The following UVRAG variants were observed in gnomAD, a reference collection of about 807,000 sequenced individuals.
UVRAG encodes the protein UV radiation resistance associated.
In UVRAG, 19 loss-of-function variants were observed where a neutral mutation model predicts 78.0. The observed-to-expected ratio is 0.24, with a 90% CI of 0.17 to 0.36. The LOEUF (loss-of-function observed/expected upper bound fraction) is 0.36, where lower values mean the gene tolerates loss of function less well. Among genes scored for constraint, UVRAG ranks in the 10% least tolerant of loss-of-function variants. The pLI, the probability that UVRAG is intolerant of heterozygous loss-of-function variation, is 1.00. For synonymous variants in UVRAG, 323 were observed against 324.6 expected, an observed-to-expected ratio of 1.00 and a Z score of 0.05; for missense variants, 740 against 853.8, an observed-to-expected ratio of 0.87 and a Z score of 1.66.
At chr11:75,977,095 C>T (rs7946364) in intron 7 of UVRAG, among the ~76,000 whole-genome samples, 6,379 of 152,188 alleles carry the variant, frequency 0.042, 201 homozygotes, top group Non-Finnish European at 0.065. Flanking sequence ...TTTCAAAGAA[C>T]ATCTTTATTT....
At chr11:75,940,065 T>G (rs1948453766) in intron 6 of UVRAG, among the ~76,000 whole-genome samples, 1 of 152,170 alleles carries the variant, frequency 6.6e-6, no homozygotes, top group Non-Finnish European at 1.5e-5. Flanking sequence ...CTTTTAAACT[T>G]TCTAATTTCA....
At chr11:75,830,571 G>GT (rs1166371430) in intron 1 of UVRAG, among the ~76,000 whole-genome samples, 4 of 151,828 alleles carry the variant, frequency 2.6e-5, no homozygotes, top group Non-Finnish European at 4.4e-5. Flanking sequence ...GCGCCCGGCC[G>GT]TAAGTATTCT....
chr11:75,911,152 A>C (rs1947728061), intron 5 of UVRAG: 1 of 154,716 alleles, frequency 6.5e-6, no homozygotes, highest in African/African-American at 2.4e-5. Flanking sequence ...TCCAGTGTTC[A>C]TGCATTCCCA....
intron 1 of UVRAG, among the ~76,000 whole-genome samples, chr11:75,842,900 G>T (rs1945947964): frequency 6.6e-6 from 1 of 152,222 alleles, no homozygotes; most frequent in African/African-American, 2.4e-5. Flanking sequence ...TGTGAAAGTT[G>T]TGTGTGGGAT....
At position 76,018,065 on chromosome 11, in the gene UVRAG, T is replaced by A. The variant is rs116334772; in HGVS notation, c.1226+1085T>A. Among the ~76,000 whole-genome samples the A allele has an allele frequency of 9.1e-3, 1,379 of 152,264 alleles. 22 individuals carry two copies. The highest frequency in any genetic ancestry group is 0.032 in the African/African-American group (1,311 of 41,556). ...GCATATACATAATAATATATGTAGGTTTATAATGCATGGTTCTAACACAAA... is the reference window on the plus strand; with the variant it reads ...GCATATACATAATAATATATGTAGGATTATAATGCATGGTTCTAACACAAA... On this transcript the variant is annotated intron_variant, in intron 12 of 14. Transcript: ENST00000356136.
chr11:75,885,439 G>T (rs1947054163), intron 4 of UVRAG, among the ~76,000 whole-genome samples: 1 of 152,050 alleles, frequency 6.6e-6, no homozygotes, highest in Non-Finnish European at 1.5e-5. Context: ...AACAAGTATT[G>T]TTTTCTTCCT....
chr11:75,927,423 A>G (rs528626443), intron 6 of UVRAG, among the ~76,000 whole-genome samples: 1 of 152,326 alleles, frequency 6.6e-6, no homozygotes, highest in African/African-American at 2.4e-5. Flanking sequence ...TCCTGAGAGT[A>G]GAATATAATG....
rs1034238711 is a variant in UVRAG at position 75,892,446 on chromosome 11, A to C, written c.507+3543A>C. The C allele has an allele frequency of 7.4e-6, 7 of 949,884 alleles. No individual in the cohort carries two copies. In the African/African-American group the frequency reaches 8.9e-5, roughly 12 times the overall value. The allele number at this position is 949,884 out of a possible 1,614,324, so 58.8% of individuals were successfully genotyped here. A position where few individuals can be genotyped will look rare whatever the true frequency, so the allele number is the denominator to read the frequency against. ...TAGCTAGTATTTAGTGAGCACTTCT[A>C]TGCTGGCACTATTCTAAACACTTTA... On this transcript the variant is annotated intron_variant, in intron 5 of 14. Coordinates refer to ENST00000356136, the MANE Select transcript of UVRAG (RefSeq NM_003369.4).
At position 75,944,090 on chromosome 11, in the gene UVRAG, T is replaced by A. The variant is rs560319825; in HGVS notation, c.594-17354T>A. Among the ~76,000 whole-genome samples the A allele has an allele frequency of 1.8e-4, 28 of 152,254 alleles. No homozygotes were observed. In the South Asian group the frequency reaches 5.4e-3, roughly 29 times the overall value. ...TGATATTGCTCTTGTGCCCTCTTTG[T>A]TTTATAGCACACAACCCACTTTCTG... On this transcript the variant is annotated intron_variant, in intron 6 of 14. Transcript: ENST00000356136.
intron 8 of UVRAG, among the ~76,000 whole-genome samples, chr11:76,000,379 G>T (rs1378566842): frequency 6.6e-6 from 1 of 152,172 alleles, no homozygotes; most frequent in Non-Finnish European, 1.5e-5. Flanking sequence ...AAAGCAGGAG[G>T]ATTGCTTGAA....
At chr11:75,873,975 T>A (rs1053863985) in intron 3 of UVRAG, among the ~76,000 whole-genome samples, 2 of 152,224 alleles carry the variant, frequency 1.3e-5, no homozygotes, top group South Asian at 4.1e-4. Context: ...TTAGCTAATC[T>A]GTAATGAATG....
chr11:75,880,669 C>G (rs1946920617), intron 4 of UVRAG, among the ~76,000 whole-genome samples: 1 of 152,166 alleles, frequency 6.6e-6, no homozygotes, highest in Non-Finnish European at 1.5e-5. Flanking sequence ...ATTCTCCTGC[C>G]TCAGCCTCAC....
intron 12 of UVRAG, among the ~76,000 whole-genome samples, chr11:76,052,717 A>G (rs914369180): frequency 1.1e-4 from 17 of 152,108 alleles, no homozygotes; most frequent in Admixed American, 7.9e-4. Flanking sequence ...GGTTTTCCTC[A>G]TATCTTTTAA....
intron 1 of UVRAG, among the ~76,000 whole-genome samples, chr11:75,844,539 A>G (rs1223029928): frequency 6.6e-6 from 1 of 151,988 alleles, no homozygotes; most frequent in Admixed American, 6.6e-5. Context: ...GCAGCTTTCT[A>G]AGAAAATTAC....
At chr11:75,833,700 A>G (rs981700811) in intron 1 of UVRAG, among the ~76,000 whole-genome samples, 4 of 152,244 alleles carry the variant, frequency 2.6e-5, no homozygotes, top group African/African-American at 9.6e-5. Context: ...GCCAGTGATA[A>G]GCATTGTTTC....
Position 75,987,092 on chromosome 11 carries a change from T to C in UVRAG, c.826+3579T>C, listed in dbSNP as rs1949514716. Among the ~76,000 whole-genome samples the C allele has an allele frequency of 3.3e-5, 5 of 152,356 alleles. No individual in the cohort carries two copies. In the South Asian group the frequency reaches 1.0e-3, roughly 32 times the overall value. Reference sequence around the variant, plus strand: ...ATTCATATACAACTTTTTGTAGGGATGTTTGATTTCATTCCTGTTACGTAC... The same window carrying C: ...ATTCATATACAACTTTTTGTAGGGACGTTTGATTTCATTCCTGTTACGTAC... On this transcript the variant is annotated intron_variant, in intron 8 of 14. Coordinates refer to ENST00000356136, the MANE Select transcript of UVRAG (RefSeq NM_003369.4).
chr11:76,126,958 TC>T lies in UVRAG; in HGVS notation c.1397+10945del, dbSNP rs1232609787. 3.9e-5 allele frequency among the ~76,000 whole-genome samples: 6 copies of T among 152,332 alleles called. No homozygotes were observed. In the East Asian group the frequency reaches 1.2e-3, roughly 29 times the overall value. ...ACACACGTACACTGCCTGGTTAGCT[TC>T]CACTTATCCTTCAAGGTGCCAATCA... On this transcript the variant is annotated intron_variant, in intron 14 of 14. Transcript: ENST00000356136.
chr11:76,116,125 T>C (rs1952176530), intron 14 of UVRAG, 110 bp downstream of exon 14: 2 of 1,038,940 alleles, frequency 1.9e-6, no homozygotes, highest in Non-Finnish European at 2.9e-6. Flanking sequence ...TCTTCTGTAA[T>C]GAGATATGGG....
In UVRAG at chr11:75,851,945, G is replaced by C. The variant is rs1946161818; in HGVS notation, c.180G>C (p.Gln60His). 9.9e-6 allele frequency: 16 copies of C among 1,613,900 alleles called. No individual in the cohort carries two copies. The highest frequency in any genetic ancestry group is 1.3e-5 in the African/African-American group (1 of 74,930). ...ACATTGTTAATAGAAATGGCCATCA[G>C]CTCCTTGATACCTACTTTACACTTC... ...ARNIVNRNGHQLLDTYFTLHL... is the reference protein window; with the variant it reads ...ARNIVNRNGHHLLDTYFTLHL... Residue 60 changes from glutamine to histidine, a missense_variant, in exon 2 of 15, where the codon CAG becomes CAC. Transcript: ENST00000356136.
Sources: gnomAD v4.1 joint callset for allele counts (sites outside exome capture counted in the v4.1 genomes callset) on GRCh38, gnomAD v4.1.1 for gene constraint, MANE v1.5 for transcripts, NCBI Gene and HGNC (gene_info 2026-07-23, HGNC 2026-07-21) for gene names.